CENPE: variants seen among roughly 807,000 people sequenced by gnomAD.
CENPE encodes centromere protein E.
In CENPE, 145 loss-of-function variants were observed where a neutral mutation model predicts 336.1. That is an observed-to-expected ratio of 0.43 (90% CI 0.38 to 0.50). CENPE has a LOEUF of 0.50. Among genes scored for constraint, CENPE ranks in the 20% least tolerant of loss-of-function variants. The pLI is 0.00. For missense variants in CENPE, 2,719 were observed against 3,023.3 expected, an observed-to-expected ratio of 0.90 and a Z score of 2.36; for synonymous variants, 1,013 against 984.8, an observed-to-expected ratio of 1.03 and a Z score of -0.54.
Position 103,180,300 on chromosome 4 carries a change from T to C in CENPE, c.1242+11A>G. On this transcript the variant is annotated intron_variant, in intron 13 of 48. Coordinates refer to ENST00000265148, the MANE Select transcript of CENPE (RefSeq NM_001813.3). Reference sequence around the variant, plus strand: ...GTACATCAAGTTTAAGCTGTCATCTTTTAATTTTACCTTTAATTCCTGTTG... The same window carrying C: ...GTACATCAAGTTTAAGCTGTCATCTCTTAATTTTACCTTTAATTCCTGTTG... 6.2e-7 allele frequency: 1 copy of C among 1,606,984 alleles called. No homozygotes were observed. The highest frequency in any genetic ancestry group is 1.1e-5 in the South Asian group (1 of 89,648).
intron 8 of CENPE, 24 bp from the exon 9 acceptor site, chr4:103,185,885 C>A: frequency 6.5e-7 from 1 of 1,536,232 alleles, no homozygotes; most frequent in South Asian, 1.2e-5. Flanking sequence ...AAAAATAAAT[C>A]CTTAGGGCAG....
rs1757900908 is a variant in CENPE, at chr4:103,198,311, C to T, written c.9G>A (p.Glu3=). Residue 3 remains glutamate, a synonymous_variant, in exon 1 of 49, where the codon GAG becomes GAA. Transcript: ENST00000265148. The part of the protein sequence containing the change: MA[E]EGAVAVCVRV... ...GCACGCAGACGGCCACGGCTCCTTC[C>T]TCCGCCATCCTATCAGGCTGAACTG... is the stretch of plus-strand genomic sequence containing the variant. 6.4e-7 allele frequency: 1 copy of T among 1,551,156 alleles called. No individual in the cohort carries two copies. The highest frequency in any genetic ancestry group is 1.4e-5 in the African/African-American group (1 of 73,048).
chr4:103,149,230 T>A lies in CENPE; in HGVS notation c.3575A>T (p.Tyr1192Phe). Residue 1192 changes from tyrosine (Y) to phenylalanine (F), a missense_variant, in exon 27 of 49, where the codon TAT becomes TTT. Physicochemically the swap from Tyr to Phe is conservative, Grantham distance 22. Coordinates refer to ENST00000265148, the MANE Select transcript of CENPE (RefSeq NM_001813.3). ...TTTGGTTATAGATTTCACTTCCTCA[T>A]AATTTTCATTAAGTTTCTGAGCCAA... ...LELAQKLNEN[Y>F]EEVKSITKER... is the part of the protein sequence containing the mutation. 1 of 1,613,050 alleles carries A rather than the reference T, an allele frequency of 6.2e-7. No homozygotes were observed. The highest frequency in any genetic ancestry group is 8.5e-7 in the Non-Finnish European group (1 of 1,179,814).
In CENPE at chr4:103,176,188, C is replaced by T. The variant is rs533329649; in HGVS notation, c.1391-140G>A. The T allele has an allele frequency of 2.7e-4, 138 of 507,468 alleles. 2 individuals carry two copies. In the South Asian group the frequency reaches 4.1e-3, roughly 15 times the overall value. 31.4% of individuals were successfully genotyped at this position (507,468 alleles called of 1,614,324 possible). On this transcript the variant is annotated intron_variant, in intron 14 of 48. Coordinates refer to ENST00000265148, the MANE Select transcript of CENPE (RefSeq NM_001813.3). ...TACTATGTGCTCAGAGTATGAATACCAAAAGTACATTAATAGATATGGTCA... is the reference window on the plus strand; with the variant it reads ...TACTATGTGCTCAGAGTATGAATACTAAAAGTACATTAATAGATATGGTCA...
At chr4:103,163,677 T>C in intron 16 of CENPE, 124 bp from the exon 17 acceptor site, 1 of 480,212 alleles carries the variant, frequency 2.1e-6, no homozygotes, top group Non-Finnish European at 3.7e-6. Context: ...ACCCAACAGT[T>C]AGAAAGGACT....
chr4:103,173,442 G>A (rs1365608120), intron 16 of CENPE, among the ~76,000 whole-genome samples: 1 of 151,222 alleles, frequency 6.6e-6, no homozygotes, highest in Non-Finnish European at 1.5e-5. Context: ...TCATAACATT[G>A]GTCAGGACAA....
At chr4:103,125,707 A>T (rs1214614815) in intron 42 of CENPE, among the ~76,000 whole-genome samples, 3 of 151,842 alleles carry the variant, frequency 2.0e-5, no homozygotes, top group Non-Finnish European at 4.4e-5. Context: ...ACTAAAAAAA[A>T]TACAAAAATT....
intron 48 of CENPE, among the ~76,000 whole-genome samples, chr4:103,107,099 G>C (rs1207460238): frequency 6.6e-6 from 1 of 152,180 alleles, no homozygotes; most frequent in Non-Finnish European, 1.5e-5. Context: ...GGTGATTACA[G>C]CTGGGTGTGG....
intron 8 of CENPE, among the ~76,000 whole-genome samples, chr4:103,186,315 C>G (rs1756764163): frequency 1.3e-5 from 2 of 152,150 alleles, no homozygotes; most frequent in African/African-American, 2.4e-5. Flanking sequence ...ATTCAAGAAC[C>G]AGGCACAAAG....
chr4:103,192,489 A>C (rs1316838545), intron 8 of CENPE, among the ~76,000 whole-genome samples: 1 of 152,216 alleles, frequency 6.6e-6, no homozygotes. Flanking sequence ...AAACAAAGAC[A>C]AGGGTCATGG....
At position 103,108,993 on chromosome 4, in the gene CENPE, C is replaced by T. The variant is rs756931328; in HGVS notation, c.7821G>A (p.Lys2607=). ...HKQVTCENSP[K]SPKVTGTASK... ...AAGCTGTTCCAGTCACTTTAGGAGA[C>T]TTTGGAGAATTCTCACAAGTTACTT... Residue 2607 remains lysine, a synonymous_variant, in exon 48 of 49, where the codon AAG becomes AAA. Transcript: ENST00000265148. The T allele has an allele frequency of 1.2e-6, 2 of 1,613,580 alleles. No homozygotes were observed. Among genetic ancestry groups the T allele is most frequent in the African/African-American group, 1.3e-5 (1 of 74,864 alleles).
intron 8 of CENPE, among the ~76,000 whole-genome samples, chr4:103,186,136 G>T (rs1004065584): frequency 6.6e-6 from 1 of 152,100 alleles, no homozygotes; most frequent in Non-Finnish European, 1.5e-5. Flanking sequence ...TTTATAAGCT[G>T]GCACTTGCAC....
chr4:103,108,922 A>G lies in CENPE; in HGVS notation c.7892T>C (p.Leu2631Ser). ...ITPSQCKERN[L>S]QDPVPKESPK... Reference sequence around the variant, plus strand: ...TGATTCCTTTGGCACAGGATCTTGTAAATTCCGTTCCTTGCATTGAGAGGG... The same window carrying G: ...TGATTCCTTTGGCACAGGATCTTGTGAATTCCGTTCCTTGCATTGAGAGGG... The change falls in exon 48 of 49, where the codon TTA (leucine) becomes TCA (serine). Residue 2631 changes from leucine to serine, a missense_variant. Physicochemically the swap from Leu to Ser is moderately radical, Grantham distance 145. This residue lies in a region of CENPE where 2,437 missense variants were observed against 2,513.3 expected (regional missense o/e 0.97). Transcript: ENST00000265148. 6.2e-7 allele frequency: 1 copy of G among 1,613,964 alleles called. No homozygotes were observed.
intron 1 of CENPE, 45 bp from the exon 2 acceptor site, chr4:103,196,895 T>C (rs768012813): frequency 2.2e-6 from 2 of 896,628 alleles, no homozygotes; most frequent in South Asian, 1.4e-5. Flanking sequence ...ATAAAAGTCA[T>C]GTCATAGGAG....
intron 16 of CENPE, 55 bp from the exon 17 acceptor site, chr4:103,163,608 C>CAACAAAAAAAAAAACAAAAAA (rs1754649994): frequency 3.6e-6 from 1 of 280,024 alleles, no homozygotes; most frequent in Non-Finnish European, 6.0e-6. Flanking sequence ...TAAAGCAAAG[C>CAACAAAAAAAAAAACAAAAAA]AAAAAAAAAA....
intron 46 of CENPE, among the ~76,000 whole-genome samples, chr4:103,113,759 T>C (rs996652089): frequency 6.7e-6 from 1 of 149,468 alleles, no homozygotes; most frequent in African/African-American, 2.4e-5. Context: ...AGCATACATA[T>C]ATGCTTATAA....
At chr4:103,160,524 G>T in intron 21 of CENPE, 101 bp downstream of exon 21, 2 of 931,824 alleles carry the variant, frequency 2.1e-6, no homozygotes, top group South Asian at 1.8e-5. Flanking sequence ...TATCTCTCTT[G>T]TCTGCTAGTT....
intron 24 of CENPE, among the ~76,000 whole-genome samples, chr4:103,156,506 T>C (rs149487574): frequency 1.2e-3 from 183 of 152,200 alleles, no homozygotes; most frequent in Middle Eastern, 6.8e-3. Context: ...CAAAAAATGG[T>C]GTTGGGAAAA....
Position 103,120,333 on chromosome 4 carries a change from T to C in CENPE, c.7144A>G (p.Lys2382Glu). ...TSRATQLTTE[K>E]IRELENSLHE... The stretch of plus-strand genomic sequence containing the variant: ...AGTGAATTTTCCAGCTCTCGAATTT[T>C]CTATTAGAAAAAGCACACATTCATA... Residue 2382 changes from lysine (K) to glutamate (E), a missense_variant and splice_region_variant, in exon 44 of 49, where the codon AAA becomes GAA. By Grantham distance (56) the Lys-to-Glu change is moderately conservative. Coordinates refer to ENST00000265148, the MANE Select transcript of CENPE (RefSeq NM_001813.3). 6.2e-7 allele frequency: 1 copy of C among 1,604,820 alleles called. No individual in the cohort carries two copies. The highest frequency in any genetic ancestry group is 8.5e-7 in the Non-Finnish European group (1 of 1,177,686).
Sources: gnomAD v4.1 joint callset for allele counts (sites outside exome capture counted in the v4.1 genomes callset) on GRCh38, gnomAD v4.1.1 for gene constraint, gnomAD v4.1.1 regional missense constraint, MANE v1.5 for transcripts, NCBI Gene and HGNC (gene_info 2026-07-23, HGNC 2026-07-21) for gene names.